Variants in DLGAP2 observed in about 807,000 individuals in gnomAD.
The protein encoded by DLGAP2 is disks large-associated protein 2.
DLGAP2 carries 26 observed loss-of-function variants against 100.3 expected under a neutral mutation model. The observed-to-expected ratio is 0.26, with a 90% confidence interval of 0.19 to 0.36. DLGAP2 has a LOEUF of 0.36. Among genes scored for constraint, DLGAP2 ranks in the 10% least tolerant of loss-of-function variants. The pLI is 1.00. For missense variants in DLGAP2, 1,858 were observed against 1,453.2 expected (o/e 1.28, Z -4.53); for synonymous variants, 886 against 630.1 (o/e 1.41, Z -6.08).
chr8:1,353,535 T>C (rs1390347343), intron 3 of DLGAP2, among the ~76,000 whole-genome samples: 1 of 152,186 alleles, frequency 6.6e-6, no homozygotes, highest in African/African-American at 2.4e-5. Context: ...TAAGCTATAA[T>C]GTTTGGTAGC....
At chr8:1,544,943 G>A (rs1343200194) in intron 4 of DLGAP2, among the ~76,000 whole-genome samples, 1 of 152,078 alleles carries the variant, frequency 6.6e-6, no homozygotes, top group Non-Finnish European at 1.5e-5. Flanking sequence ...ATGTTGGCCA[G>A]GATGGTCTCG....
At chr8:1,481,471 C>CTTTTTTTTTTTTTTTTTTTT (rs1165790168) in intron 3 of DLGAP2, among the ~76,000 whole-genome samples, 62 of 43,676 alleles carry the variant, frequency 1.4e-3, no homozygotes, top group Non-Finnish European at 2.0e-3. Context: ...TTTTCTTTTT[C>CTTTTTTTTTTTTTTTTTTTT]TTTTTTTTTT....
At chr8:1,027,103 G>GT (rs545029112) in intron 2 of DLGAP2, among the ~76,000 whole-genome samples, 75 of 151,416 alleles carry the variant, frequency 5.0e-4, no homozygotes, top group East Asian at 1.9e-3. Context: ...TTAGGGAAGG[G>GT]TTTTTTTTTA....
intron 2 of DLGAP2, among the ~76,000 whole-genome samples, chr8:937,974 T>C (rs1470920584): frequency 1.3e-5 from 2 of 152,122 alleles, no homozygotes. Context: ...CTGAGGGTAG[T>C]TCAGCAGTTC....
intron 1 of DLGAP2, among the ~76,000 whole-genome samples, chr8:824,028 CTTTTTT>C (rs201660252): frequency 7.9e-4 from 3 of 3,800 alleles, no homozygotes; most frequent in African/African-American, 1.3e-3. Flanking sequence ...ATTTCTTCTT[CTTTTTT>C]TTCTTCTTCT....
At chr8:1,470,464 C>T (rs1389598775) in intron 3 of DLGAP2, among the ~76,000 whole-genome samples, 5 of 152,084 alleles carry the variant, frequency 3.3e-5, no homozygotes, top group Non-Finnish European at 5.9e-5. Context: ...TGCTGAAATC[C>T]CTCCCGCCAC....
intron 3 of DLGAP2, among the ~76,000 whole-genome samples, chr8:1,447,772 C>A (rs1392592967): frequency 2.6e-5 from 4 of 152,132 alleles, no homozygotes; most frequent in African/African-American, 9.7e-5. Flanking sequence ...GAGCCTGTTA[C>A]TGGTCTATTC....
At chr8:1,142,199 GT>G (rs1228637503) in intron 2 of DLGAP2, among the ~76,000 whole-genome samples, 1 of 151,982 alleles carries the variant, frequency 6.6e-6, no homozygotes, top group Non-Finnish European at 1.5e-5. Flanking sequence ...TTGCTATACA[GT>G]TTTTTGTGTG....
At chr8:1,491,077 CAA>C (rs386411871) in intron 3 of DLGAP2, among the ~76,000 whole-genome samples, 3,462 of 64,580 alleles carry the variant, frequency 0.054, 211 homozygotes, top group African/African-American at 0.14. Context: ...AACTGGAAAC[CAA>C]AAAAAAAAAA....
At chr8:1,318,378 T>C (rs900790662) in intron 3 of DLGAP2, among the ~76,000 whole-genome samples, 2 of 151,656 alleles carry the variant, frequency 1.3e-5, no homozygotes, top group Non-Finnish European at 1.5e-5. Context: ...ATATTGTATT[T>C]CTCCCACAGG....
At chr8:1,301,444 T>G (rs1171360107) in intron 3 of DLGAP2, 2 of 114,792 alleles carry the variant, frequency 1.7e-5, no homozygotes, top group Non-Finnish European at 3.4e-5. Context: ...CAACCTCCAC[T>G]TTTTTTTTTT....
chr8:1,037,574 A>G (rs1326702124), intron 2 of DLGAP2, among the ~76,000 whole-genome samples: 3 of 152,170 alleles, frequency 2.0e-5, no homozygotes, highest in Non-Finnish European at 4.4e-5. Flanking sequence ...CCTGCACTTT[A>G]TCCTCTAAGG....
intron 3 of DLGAP2, among the ~76,000 whole-genome samples, chr8:1,446,519 G>A (rs1354606174): frequency 1.3e-5 from 2 of 152,144 alleles, no homozygotes; most frequent in East Asian, 3.9e-4. Context: ...TTGAAGTCAG[G>A]TAGTGTGATG....
At chr8:1,387,788 A>C (rs1214188509) in intron 3 of DLGAP2, among the ~76,000 whole-genome samples, 1 of 152,156 alleles carries the variant, frequency 6.6e-6, no homozygotes, top group Non-Finnish European at 1.5e-5. Flanking sequence ...GGAGGGCCTC[A>C]CCTGTGCCAC....
intron 8 of DLGAP2, among the ~76,000 whole-genome samples, chr8:1,657,256 G>T (rs1271783489): frequency 6.6e-6 from 1 of 152,104 alleles, no homozygotes; most frequent in Admixed American, 6.5e-5. Flanking sequence ...TCTTTTTAAG[G>T]ACGTAGACTA....
chr8:1,349,433 A>T (rs1268477005), intron 3 of DLGAP2, among the ~76,000 whole-genome samples: 1 of 138,824 alleles, frequency 7.2e-6, no homozygotes, highest in South Asian at 2.3e-4. Context: ...AGGGGGTTTG[A>T]GGGGAACTAT....
rs894441688 is a variant in DLGAP2, at chr8:1,185,340, G to T, written c.74-73511G>T. Among the ~76,000 whole-genome samples the T allele has an allele frequency of 1.2e-4, 18 of 152,072 alleles. 1 individual carries two copies. Among genetic ancestry groups the T allele is most frequent in the African/African-American group, 3.4e-4 (14 of 41,402 alleles). ...TGAGTGACACCATCATTCTGCTGAC[G>T]TCATCCTGGAATCAGGTGTTGTCTC... On this transcript the variant is annotated intron_variant, in intron 2 of 14. Coordinates refer to ENST00000637795, the MANE Select transcript of DLGAP2 (RefSeq NM_001346810.2).
At chr8:1,280,870 C>G (rs1293199312) in intron 3 of DLGAP2, among the ~76,000 whole-genome samples, 1 of 152,204 alleles carries the variant, frequency 6.6e-6, no homozygotes, top group Non-Finnish European at 1.5e-5. Flanking sequence ...TCAGGTCTAT[C>G]CCTGAAATCA....
intron 2 of DLGAP2, among the ~76,000 whole-genome samples, chr8:1,157,200 T>C (rs1392398451): frequency 2.6e-5 from 4 of 152,228 alleles, no homozygotes; most frequent in Middle Eastern, 3.4e-3. Context: ...GTGGGTTCCG[T>C]ACCCCGTGTG....
Sources: gnomAD v4.1 joint callset for allele counts (sites outside exome capture counted in the v4.1 genomes callset) on GRCh38, gnomAD v4.1.1 for gene constraint, MANE v1.5 for transcripts, NCBI Gene and HGNC (gene_info 2026-07-23, HGNC 2026-07-21) for gene names.